Variants in PCDHGA10 observed in about 807,000 individuals in gnomAD.
PCDHGA10 encodes protocadherin gamma-A10.
In PCDHGA10, 42 loss-of-function variants were observed where a neutral mutation model predicts 59.5. The observed-to-expected ratio is 0.71, with a 90% confidence interval of 0.55 to 0.91. The LOEUF is 0.91. Ranked by LOEUF, PCDHGA10 falls within the 40% of genes least tolerant of loss-of-function variation. The pLI, the probability that PCDHGA10 is intolerant of heterozygous loss-of-function variation, is 0.00. For missense variants in PCDHGA10, 1,111 were observed against 1,198.2 expected (o/e 0.93, Z 1.07); for synonymous variants, 511 against 517.2 (o/e 0.99, Z 0.16).
chr5:141,476,977 C>T lies in PCDHGA10; in HGVS notation c.2437-17830C>T, dbSNP rs141692339. 3,083 of 1,614,232 alleles carry T rather than the reference C, an allele frequency of 1.9e-3. 52 individuals carry two copies. The African/African-American group carries it at 0.034, about 18-fold the overall frequency. Reference sequence around the variant, plus strand: ...TTATTTACTCCTTCGGCAGCCACAACCGCGCCGGCGTGCGGCAACTATTCG... The same window carrying T: ...TTATTTACTCCTTCGGCAGCCACAATCGCGCCGGCGTGCGGCAACTATTCG... On this transcript the variant is annotated intron_variant, in intron 1 of 3. Coordinates refer to ENST00000398610, the MANE Select transcript of PCDHGA10 (RefSeq NM_018913.3). This position sits in a 1 kb window ranked among gnomAD's most constrained non-coding sequence, Gnocchi z 7.6.
Position 141,485,465 on chromosome 5 carries a change from C to A in PCDHGA10, c.2437-9342C>A, listed in dbSNP as rs2099614061. 6.2e-7 allele frequency: 1 copy of A among 1,614,044 alleles called. No homozygotes were observed. Among genetic ancestry groups the A allele is most frequent in the African/African-American group, 1.3e-5 (1 of 74,918 alleles). ...AATCGACCGAGAGGCACTGTGTGGG[C>A]TCAGTGCCAGCTGCATCGTGCCCCT... On this transcript the variant is annotated intron_variant, in intron 1 of 3. Transcript: ENST00000398610. This position sits in a 1 kb window ranked among gnomAD's most constrained non-coding sequence, Gnocchi z 5.7.
intron 1 of PCDHGA10, among the ~76,000 whole-genome samples, chr5:141,454,750 T>C (rs992030704): frequency 1.3e-5 from 2 of 150,108 alleles, no homozygotes; most frequent in Admixed American, 6.7e-5. Flanking sequence ...GAGGCCAAAC[T>C]AATCTTGACA....
rs143767010 is a variant in PCDHGA10 at position 141,460,190 on chromosome 5, A to G, written c.2437-34617A>G. 3.2e-3 allele frequency among the ~76,000 whole-genome samples: 486 copies of G among 152,218 alleles called. 1 individual carries two copies. Among genetic ancestry groups the G allele is most frequent in the Non-Finnish European group, 4.9e-3 (336 of 68,006 alleles). ...TTTTGTGGATATTTTATCCCAGACTATGACTTGTCTTTTCATTTTCTTAGT... is the reference window on the plus strand; with the variant it reads ...TTTTGTGGATATTTTATCCCAGACTGTGACTTGTCTTTTCATTTTCTTAGT... On this transcript the variant is annotated intron_variant, in intron 1 of 3. Coordinates refer to ENST00000398610, the MANE Select transcript of PCDHGA10 (RefSeq NM_018913.3).
chr5:141,422,310 T>A, intron 1 of PCDHGA10: 1 of 1,546,532 alleles, frequency 6.5e-7, no homozygotes, highest in Non-Finnish European at 8.7e-7. Flanking sequence ...TGGAAAACTC[T>A]CCTCCAGGTA....
At chr5:141,446,263 C>T (rs2098496356) in intron 1 of PCDHGA10, among the ~76,000 whole-genome samples, 1 of 152,010 alleles carries the variant, frequency 6.6e-6, no homozygotes, top group East Asian at 1.9e-4. Flanking sequence ...ATATTATTAA[C>T]TGAATAAATA....
rs750564390 is a variant in PCDHGA10, at chr5:141,494,823, C to T, written c.2453C>T (p.Thr818Met). Residue 818 changes from threonine to methionine, a missense_variant, in exon 2 of 4, where the codon ACG becomes ATG. Physicochemically the swap from Thr to Met is moderately conservative, Grantham distance 81. Coordinates refer to ENST00000398610, the MANE Select transcript of PCDHGA10 (RefSeq NM_018913.3). Reference sequence around the variant, plus strand: ...TCTCCACAGCAAGCCCCGCCCAACACGGACTGGCGTTTCTCTCAGGCCCAG... The same window carrying T: ...TCTCCACAGCAAGCCCCGCCCAACATGGACTGGCGTTTCTCTCAGGCCCAG... ...TPLVPQAPPN[T>M]DWRFSQAQRP... 7 of 1,614,014 alleles carry T rather than the reference C, an allele frequency of 4.3e-6. No individual in the cohort carries two copies. The East Asian group carries it at 8.9e-5, about 21-fold the overall frequency.
intron 1 of PCDHGA10, among the ~76,000 whole-genome samples, chr5:141,448,784 C>CAA (rs576464275): frequency 4.8e-5 from 7 of 145,806 alleles, no homozygotes; most frequent in East Asian, 2.0e-4. Context: ...ACTAAAAATA[C>CAA]AAAAAAAAAA....
chr5:141,419,524 T>C (rs1400473876), intron 1 of PCDHGA10: 4 of 1,612,164 alleles, frequency 2.5e-6, no homozygotes, highest in Non-Finnish European at 3.4e-6. Flanking sequence ...TGGGCGACCG[T>C]AACGACAACG....
At chr5:141,437,426 C>G (rs531265278) in intron 1 of PCDHGA10, among the ~76,000 whole-genome samples, 2 of 152,150 alleles carry the variant, frequency 1.3e-5, no homozygotes, top group Non-Finnish European at 2.9e-5. Context: ...CTTTTTGAAG[C>G]AGCAATAGCA....
At position 141,413,344 on chromosome 5, in the gene PCDHGA10, G is replaced by A; in HGVS notation, c.169G>A (p.Gly57Ser). Reference sequence around the variant, plus strand: ...CGTGGGCAACATCTCCAAGGACTTGGGTCTGGCGCCCCGGGAGCTGGCGGA... The same window carrying A: ...CGTGGGCAACATCTCCAAGGACTTGAGTCTGGCGCCCCGGGAGCTGGCGGA... ...SFVGNISKDL[G>S]LAPRELAERG... The change falls in exon 1 of 4, where the codon GGT (glycine) becomes AGT (serine). Residue 57 changes from glycine (G) to serine (S), a missense_variant. Coordinates refer to ENST00000398610, the MANE Select transcript of PCDHGA10 (RefSeq NM_018913.3). 6.2e-7 allele frequency: 1 copy of A among 1,613,986 alleles called. No individual in the cohort carries two copies.
rs1317308437 is a variant in PCDHGA10, at chr5:141,418,492, A to G, written c.2436+2881A>G. The G allele has an allele frequency of 1.9e-6, 3 of 1,613,886 alleles. No homozygotes were observed. The African/African-American group carries it at 4.0e-5, about 22-fold the overall frequency. On this transcript the variant is annotated intron_variant, in intron 1 of 3. Coordinates refer to ENST00000398610, the MANE Select transcript of PCDHGA10 (RefSeq NM_018913.3). ...AAACGCAGAGCGCTCACCACTTGGT[A>G]CTGACCGCCTTAGATGGTGGGGACC... is the stretch of plus-strand genomic sequence containing the variant.
At chr5:141,454,941 G>A (rs2098807517) in intron 1 of PCDHGA10, among the ~76,000 whole-genome samples, 1 of 150,970 alleles carries the variant, frequency 6.6e-6, no homozygotes, top group Non-Finnish European at 1.5e-5. Flanking sequence ...CCGAGTAGCT[G>A]GGACTACAGG....
chr5:141,415,611 A>G lies in PCDHGA10; in HGVS notation c.2436A>G (p.Pro812=). The G allele has an allele frequency of 6.2e-7, 1 of 1,613,152 alleles. No homozygotes were observed. The highest frequency in any genetic ancestry group is 8.5e-7 in the Non-Finnish European group (1 of 1,179,710). The change falls in exon 1 of 4, where the codon CCA becomes CCG. Residue 812 remains proline (P), a splice_region_variant and synonymous_variant. Transcript: ENST00000398610. ...CTATAGAGGATACCCCATTGGTTCC[A>G]GTGAGTTTTATTTTCATTTTTACTT... ...KFPIEDTPLV[P]QAPPNTDWRF... is the part of the protein sequence containing the mutation.
Position 141,490,867 on chromosome 5 carries a change from C to G in PCDHGA10, c.2437-3940C>G. ...GGGGGTTCGAGACTCCGGCTCTCCC[C>G]CATTGCATGCCAACACATCTCTGCA... On this transcript the variant is annotated intron_variant, in intron 1 of 3. Coordinates refer to ENST00000398610, the MANE Select transcript of PCDHGA10 (RefSeq NM_018913.3). This position sits in a 1 kb window ranked among gnomAD's most constrained non-coding sequence, Gnocchi z 5.4. 6.2e-7 allele frequency: 1 copy of G among 1,613,912 alleles called. No individual in the cohort carries two copies. The highest frequency in any genetic ancestry group is 8.5e-7 in the Non-Finnish European group (1 of 1,179,936).
Position 141,485,818 on chromosome 5 carries a change from C to A in PCDHGA10, c.2437-8989C>A, listed in dbSNP as rs757848513. The A allele has an allele frequency of 1.2e-6, 2 of 1,613,910 alleles. No individual in the cohort carries two copies. The highest frequency in any genetic ancestry group is 1.7e-6 in the Non-Finnish European group (2 of 1,179,974). On this transcript the variant is annotated intron_variant, in intron 1 of 3. Transcript: ENST00000398610. The surrounding 1 kb of genome is among the most constrained non-coding windows in gnomAD (Gnocchi z 5.7). ...ACTACCGCCTGGTGCTGACTGCTGT[C>A]GATGGAGGGAACCCGCCGAGATCTG...
At chr5:141,468,382 G>T (rs1247387630) in intron 1 of PCDHGA10, 1 of 151,194 alleles carries the variant, frequency 6.6e-6, no homozygotes, top group Non-Finnish European at 1.5e-5. Context: ...GCCATACAAG[G>T]CTACCCATTT....
Position 141,511,579 on chromosome 5 carries a change from G to T in PCDHGA10, c.*406G>T. The T allele has an allele frequency of 3.6e-6, 1 of 280,798 alleles. No individual in the cohort carries two copies. Among genetic ancestry groups the T allele is most frequent in the South Asian group, 4.1e-5 (1 of 24,614 alleles). 17.4% of individuals were successfully genotyped at this position (280,798 alleles called of 1,614,324 possible). On this transcript the variant is annotated 3_prime_UTR_variant, in exon 4 of 4. Transcript: ENST00000398610. Reference sequence around the variant, plus strand: ...CCTCTTTCCCGAGTAAGGTGGTTGGGGTGTTGAAGTACCAAGTAACCTACA... The same window carrying T: ...CCTCTTTCCCGAGTAAGGTGGTTGGTGTGTTGAAGTACCAAGTAACCTACA...
chr5:141,469,419 A>G (rs1047562022), intron 1 of PCDHGA10, among the ~76,000 whole-genome samples: 2 of 152,066 alleles, frequency 1.3e-5, no homozygotes, highest in South Asian at 2.1e-4. Flanking sequence ...TACTAAAAAT[A>G]TAAAACTTAG....
At chr5:141,419,093 C>T (rs1191453038) in intron 1 of PCDHGA10, 4 of 1,613,916 alleles carry the variant, frequency 2.5e-6, no homozygotes, top group South Asian at 1.1e-5. Flanking sequence ...GGCCCTGGAT[C>T]GGGAGCAGAC....
Sources: gnomAD v4.1 joint callset for allele counts (sites outside exome capture counted in the v4.1 genomes callset) on GRCh38, gnomAD v4.1.1 for gene constraint, Gnocchi (gnomAD v3.1) non-coding constraint, MANE v1.5 for transcripts, NCBI Gene and HGNC (gene_info 2026-07-23, HGNC 2026-07-21) for gene names.